DHX35: variants seen among roughly 807,000 people sequenced by gnomAD.
DHX35 encodes probable ATP-dependent RNA helicase DHX35.
A neutral mutation model predicts 99.6 loss-of-function variants in DHX35; 84 were observed. That is an observed-to-expected ratio of 0.84 (90% CI 0.71 to 1.01). The LOEUF is 1.01. Among genes scored for constraint, DHX35 ranks in the 50% least tolerant of loss-of-function variants. The pLI, the probability that DHX35 is intolerant of heterozygous loss-of-function variation, is 0.00. For missense variants in DHX35, 852 were observed against 888.5 expected (o/e 0.96, Z 0.52); for synonymous variants, 331 against 316.2 (o/e 1.05, Z -0.50).
rs2145960269 is a variant in DHX35, at chr20:39,039,559, T to C, written c.*1016T>C. On this transcript the variant is annotated 3_prime_UTR_variant, in exon 22 of 22. Transcript: ENST00000252011. ...CAATGACCTTTATTTTAAAAACACA[T>C]AGCTTGAAAATTTATTTTTATACTG... The C allele has an allele frequency of 6.6e-6, 1 of 152,354 alleles. No individual in the cohort carries two copies. Among genetic ancestry groups the C allele is most frequent in the African/African-American group, 2.4e-5 (1 of 41,582 alleles). 9.4% of individuals were successfully genotyped at this position (152,354 alleles called of 1,614,324 possible). A position where few individuals can be genotyped will look rare whatever the true frequency, so the allele number is the denominator to read the frequency against.
At chr20:38,976,758 C>T (rs1277323461) in intron 3 of DHX35, among the ~76,000 whole-genome samples, 1 of 152,130 alleles carries the variant, frequency 6.6e-6, no homozygotes, top group African/African-American at 2.4e-5. Flanking sequence ...CTCCCTGTTC[C>T]CCTCTTCCCT....
intron 3 of DHX35, among the ~76,000 whole-genome samples, chr20:38,982,491 A>C (rs917690735): frequency 1.3e-5 from 2 of 152,144 alleles, no homozygotes; most frequent in Non-Finnish European, 2.9e-5. Context: ...GTTTCCCTCC[A>C]CATCCTGGTT....
chr20:38,967,231 C>T (rs946255290), intron 1 of DHX35, among the ~76,000 whole-genome samples: 3 of 152,076 alleles, frequency 2.0e-5, no homozygotes, highest in Admixed American at 6.5e-5. Flanking sequence ...ATCTGAGAAC[C>T]CTAAAAAGTG....
At chr20:39,021,812 T>A (rs764007152) in intron 15 of DHX35, 29 bp from the exon 16 acceptor site, 39 of 1,609,658 alleles carry the variant, frequency 2.4e-5, no homozygotes, top group Non-Finnish European at 3.2e-5. Context: ...ATTATATGGT[T>A]GAAACCAAAC....
intron 8 of DHX35, among the ~76,000 whole-genome samples, chr20:38,999,278 A>G (rs1019362140): frequency 6.6e-6 from 1 of 151,658 alleles, no homozygotes; most frequent in Non-Finnish European, 1.5e-5. Flanking sequence ...CTCCTTCCAT[A>G]GCTCCTGGAG....
rs2086993267 is a variant in DHX35 at position 39,028,460 on chromosome 20, TCGCCAATGCAG to T, written c.1847_1857del (p.Ala616GlufsTer9). 6.2e-7 allele frequency: 1 copy of T among 1,614,124 alleles called. No homozygotes were observed. The highest frequency in any genetic ancestry group is 8.5e-7 in the Non-Finnish European group (1 of 1,180,058). Reference sequence around the variant, plus strand: ...CTGAGGTGCATTGTCTCCGGCTTCTTCGCCAATGCAGCGAGGTTTCATTCTACTGGAGCTTA... The same window carrying T: ...CTGAGGTGCATTGTCTCCGGCTTCTTCGAGGTTTCATTCTACTGGAGCTTA... On this transcript the variant is annotated frameshift_variant, in exon 19 of 22. Coordinates refer to ENST00000252011, the MANE Select transcript of DHX35 (RefSeq NM_021931.4). LOFTEE classifies it high-confidence loss of function.
chr20:38,990,463 A>G (rs901618979), intron 5 of DHX35, among the ~76,000 whole-genome samples: 2 of 152,194 alleles, frequency 1.3e-5, no homozygotes, highest in African/African-American at 4.8e-5. Context: ...TTTCTTAAAC[A>G]CTACTCTGTC....
intron 4 of DHX35, among the ~76,000 whole-genome samples, chr20:38,987,667 C>G (rs1390323693): frequency 6.6e-6 from 1 of 152,052 alleles, no homozygotes. Context: ...AGAGATCTTG[C>G]TGTTGGATTC....
At chr20:39,035,321 C>G (rs945737700) in intron 21 of DHX35, among the ~76,000 whole-genome samples, 1 of 152,228 alleles carries the variant, frequency 6.6e-6, no homozygotes, top group African/African-American at 2.4e-5. Context: ...ATCCGCCCGC[C>G]TTGGTCTCCC....
intron 12 of DHX35, among the ~76,000 whole-genome samples, chr20:39,007,773 C>T (rs1331434314): frequency 3.9e-5 from 6 of 152,006 alleles, no homozygotes. Context: ...GGCCTGAGGA[C>T]CAAGGGCAAC....
chr20:39,004,786 C>G (rs2086585844), intron 11 of DHX35, among the ~76,000 whole-genome samples: 1 of 152,144 alleles, frequency 6.6e-6, no homozygotes, highest in Non-Finnish European at 1.5e-5. Flanking sequence ...ACAGCTTTTA[C>G]TGTAGTAGCT....
chr20:39,023,022 T>G (rs1051729516), intron 16 of DHX35, among the ~76,000 whole-genome samples: 1 of 152,182 alleles, frequency 6.6e-6, no homozygotes, highest in East Asian at 1.9e-4. Context: ...AACTATAGAT[T>G]ACAAAGTTTT....
intron 4 of DHX35, 97 bp from the exon 5 acceptor site, chr20:38,988,716 C>T: frequency 6.5e-7 from 1 of 1,529,376 alleles, no homozygotes; most frequent in South Asian, 1.2e-5. Flanking sequence ...TGTTCACATA[C>T]TATTTAAAAT....
At chr20:39,028,631 GAGTTGAGGTT>G in intron 19 of DHX35, 132 bp downstream of exon 19, 1 of 1,033,330 alleles carries the variant, frequency 9.7e-7, no homozygotes, top group Admixed American at 2.3e-5. Flanking sequence ...TTCCAAAACT[GAGTTGAGGTT>G]AGCGACATAG....
At chr20:39,033,150 C>T (rs1161799571) in intron 20 of DHX35, among the ~76,000 whole-genome samples, 2 of 152,206 alleles carry the variant, frequency 1.3e-5, no homozygotes, top group East Asian at 1.9e-4. Flanking sequence ...ACAGGAGGAT[C>T]GCTTGAGCCC....
chr20:39,035,743 G>A (rs998510219), intron 21 of DHX35, among the ~76,000 whole-genome samples: 2 of 152,132 alleles, frequency 1.3e-5, no homozygotes, highest in Non-Finnish European at 2.9e-5. Context: ...CTGCACTCTT[G>A]GAGACATTTG....
chr20:38,999,697 A>G (rs1390477740), intron 8 of DHX35, among the ~76,000 whole-genome samples: 1 of 152,180 alleles, frequency 6.6e-6, no homozygotes, highest in Non-Finnish European at 1.5e-5. Flanking sequence ...CCAGGTTCAC[A>G]CTTTGTCTCC....
intron 12 of DHX35, among the ~76,000 whole-genome samples, chr20:39,008,925 T>C (rs549581913): frequency 2.8e-4 from 43 of 152,264 alleles, no homozygotes; most frequent in Non-Finnish European, 5.1e-4. Context: ...CCATTTCTCT[T>C]TGGGAGGACC....
At position 38,994,898 on chromosome 20, in the gene DHX35, C is replaced by T; in HGVS notation, c.642+18C>T. The T allele has an allele frequency of 5.6e-6, 9 of 1,611,180 alleles. No individual in the cohort carries two copies. Among genetic ancestry groups the T allele is most frequent in the Non-Finnish European group, 7.6e-6 (9 of 1,177,426 alleles). On this transcript the variant is annotated intron_variant, in intron 8 of 21. Transcript: ENST00000252011. ...ATGCAGACGTAAGAGCCTTGCCTCC[C>T]CTTTCCTCCTCTCCTCACAAACACT...
Sources: allele counts gnomAD v4.1 joint callset (sites outside exome capture counted in the v4.1 genomes callset), GRCh38; gene constraint gnomAD v4.1.1; transcripts MANE v1.5; gene names NCBI Gene and HGNC (gene_info 2026-07-23, HGNC 2026-07-21).